Variants in KCNH7 observed in about 807,000 individuals in gnomAD.
KCNH7 encodes voltage-gated inwardly rectifying potassium channel KCNH7.
KCNH7 carries 49 observed loss-of-function variants against 120.8 expected under a neutral mutation model. The ratio of observed to expected loss-of-function variants is 0.41; its 90% CI spans 0.32 to 0.51. KCNH7 has a LOEUF of 0.51. Among genes scored for constraint, KCNH7 ranks in the 20% least tolerant of loss-of-function variants. The pLI is 0.38. For missense variants in KCNH7, 1,097 were observed against 1,446.6 expected (o/e 0.76, Z 3.92); for synonymous variants, 547 against 516.1 (o/e 1.06, Z -0.81).
At position 162,527,897 on chromosome 2, in the gene KCNH7, A is replaced by G. The variant is rs189908635; in HGVS notation, c.463+9028T>C. On this transcript the variant is annotated intron_variant, in intron 3 of 15. Transcript: ENST00000332142. Reference sequence around the variant, plus strand: ...TTTTTATAGTTCTAGCTAAACATTCATTAACCTAGACCATGGTTTTCATAC... The same window carrying G: ...TTTTTATAGTTCTAGCTAAACATTCGTTAACCTAGACCATGGTTTTCATAC... 7.1e-4 allele frequency: 108 copies of G among 152,124 alleles called. 2 individuals are homozygous for G. The highest frequency in any genetic ancestry group is 2.4e-3 in the African/African-American group (100 of 41,564). 9.4% of individuals were successfully genotyped at this position (152,124 alleles called of 1,614,324 possible). A position where few individuals can be genotyped will look rare whatever the true frequency, so the allele number is the denominator to read the frequency against.
intron 6 of KCNH7, among the ~76,000 whole-genome samples, chr2:162,467,542 G>A (rs1387544056): frequency 1.3e-5 from 2 of 152,224 alleles, no homozygotes; most frequent in South Asian, 4.1e-4. Context: ...CACCATGAGT[G>A]GAAGCAGCCT....
intron 2 of KCNH7, among the ~76,000 whole-genome samples, chr2:162,819,872 G>A (rs1305001771): frequency 2.0e-5 from 3 of 151,882 alleles, no homozygotes; most frequent in African/African-American, 7.3e-5. Flanking sequence ...TTTGGATTTT[G>A]TTTATTTTGT....
intron 2 of KCNH7, among the ~76,000 whole-genome samples, chr2:162,585,866 A>G (rs954436387): frequency 2.6e-5 from 4 of 152,048 alleles, no homozygotes; most frequent in Non-Finnish European, 4.4e-5. Context: ...TAAATCATAT[A>G]TATTATACAG....
intron 2 of KCNH7, among the ~76,000 whole-genome samples, chr2:162,585,221 A>G (rs1693988403): frequency 6.6e-6 from 1 of 151,910 alleles, no homozygotes. Context: ...AAATAGGACT[A>G]CTCTGAAACC....
intron 9 of KCNH7, among the ~76,000 whole-genome samples, chr2:162,411,813 G>T (rs1687400815): frequency 6.7e-6 from 1 of 150,354 alleles, no homozygotes. Flanking sequence ...AAATTATTTT[G>T]GAAATTCTAG....
intron 2 of KCNH7, among the ~76,000 whole-genome samples, chr2:162,702,266 T>C (rs1686537346): frequency 6.6e-6 from 1 of 152,166 alleles, no homozygotes; most frequent in African/African-American, 2.4e-5. Flanking sequence ...CAAAGCTAGA[T>C]CTCTATTTGG....
At chr2:162,605,150 G>A (rs1368351316) in intron 2 of KCNH7, among the ~76,000 whole-genome samples, 3 of 152,082 alleles carry the variant, frequency 2.0e-5, no homozygotes, top group Non-Finnish European at 4.4e-5. Context: ...TGAGAACTGT[G>A]AAGAGGAAAT....
intron 6 of KCNH7, among the ~76,000 whole-genome samples, chr2:162,466,796 T>C (rs1230042437): frequency 6.6e-6 from 1 of 152,128 alleles, no homozygotes; most frequent in Non-Finnish European, 1.5e-5. Context: ...GTCAGTAAAT[T>C]TAAGAACAAT....
chr2:162,715,505 A>G (rs1574298942), intron 2 of KCNH7, among the ~76,000 whole-genome samples: 1 of 152,318 alleles, frequency 6.6e-6, no homozygotes, highest in African/African-American at 2.4e-5. Flanking sequence ...ATGTCCCCAG[A>G]TCATCAGCTC....
intron 2 of KCNH7, among the ~76,000 whole-genome samples, chr2:162,710,357 T>G (rs1686883106): frequency 6.6e-6 from 1 of 152,198 alleles, no homozygotes; most frequent in Admixed American, 6.6e-5. Context: ...TTAGAATTTT[T>G]TTTAGAACTT....
At chr2:162,465,373 A>G (rs1208265566) in intron 6 of KCNH7, among the ~76,000 whole-genome samples, 1 of 152,160 alleles carries the variant, frequency 6.6e-6, no homozygotes, top group Non-Finnish European at 1.5e-5. Flanking sequence ...AAGCTCTATG[A>G]TCAAAGAAAA....
At chr2:162,467,725 C>T (rs1201964563) in intron 6 of KCNH7, among the ~76,000 whole-genome samples, 2 of 152,138 alleles carry the variant, frequency 1.3e-5, no homozygotes, top group East Asian at 1.9e-4. Context: ...ATTTATGTGC[C>T]GGAAGCTTAG....
At chr2:162,541,271 TCA>T (rs1442494753) in intron 2 of KCNH7, among the ~76,000 whole-genome samples, 1 of 151,976 alleles carries the variant, frequency 6.6e-6, no homozygotes, top group Non-Finnish European at 1.5e-5. Flanking sequence ...CTGGATGAGG[TCA>T]CACAGGGAAT....
chr2:162,449,388 T>C (rs1156275652), intron 6 of KCNH7, among the ~76,000 whole-genome samples: 1 of 152,082 alleles, frequency 6.6e-6, no homozygotes, highest in Non-Finnish European at 1.5e-5. Flanking sequence ...TGCTTATAAC[T>C]CTTAATATGA....
chr2:162,737,934 G>T (rs1455173052), intron 2 of KCNH7, among the ~76,000 whole-genome samples: 1 of 151,890 alleles, frequency 6.6e-6, no homozygotes, highest in South Asian at 2.1e-4. Context: ...GTATGGTGGC[G>T]CATGCCTATA....
At chr2:162,465,228 G>T (rs1689269741) in intron 6 of KCNH7, among the ~76,000 whole-genome samples, 3 of 152,146 alleles carry the variant, frequency 2.0e-5, no homozygotes, top group Admixed American at 2.0e-4. Context: ...TAGAAAATAA[G>T]TGGGTTGAGC....
chr2:162,715,283 A>G (rs1687072502), intron 2 of KCNH7, among the ~76,000 whole-genome samples: 1 of 152,142 alleles, frequency 6.6e-6, no homozygotes, highest in African/African-American at 2.4e-5. Flanking sequence ...AGGAGCAAAG[A>G]AGTGGGTAAG....
intron 9 of KCNH7, among the ~76,000 whole-genome samples, chr2:162,420,925 A>T (rs1011618999): frequency 6.6e-6 from 1 of 152,014 alleles, no homozygotes; most frequent in Admixed American, 6.6e-5. Flanking sequence ...TTTTGGAGGT[A>T]AAAAAAATCC....
intron 6 of KCNH7, among the ~76,000 whole-genome samples, chr2:162,483,996 G>A (rs996188404): frequency 3.3e-5 from 5 of 152,116 alleles, no homozygotes; most frequent in African/African-American, 1.2e-4. Context: ...AAAGAGCACT[G>A]GAGTCAGAGT....
Sources: gnomAD v4.1 joint callset for allele counts (sites outside exome capture counted in the v4.1 genomes callset) on GRCh38, gnomAD v4.1.1 for gene constraint, MANE v1.5 for transcripts, NCBI Gene and HGNC (gene_info 2026-07-23, HGNC 2026-07-21) for gene names.